Variants in GRK3 observed in about 807,000 individuals in gnomAD.
GRK3 encodes the protein G protein-coupled receptor kinase 3, also known as adrenergic, beta, receptor kinase 2.
In GRK3, 54 loss-of-function variants were observed where a neutral mutation model predicts 95.7. The ratio of observed to expected loss-of-function variants is 0.56; its 90% CI spans 0.45 to 0.71. GRK3 has a LOEUF of 0.71. GRK3 is among the 30% of genes least tolerant of loss of function. GRK3 has a pLI of 0.00. For synonymous variants in GRK3, 281 were observed against 290.8 expected (o/e 0.97, Z 0.34); for missense variants, 649 against 851.2 (o/e 0.76, Z 2.96).
At position 25,723,503 on chromosome 22, in the gene GRK3, T is replaced by C. The variant is rs1446708433; in HGVS notation, c.*1053T>C. 1 of 152,218 alleles carries C rather than the reference T, an allele frequency of 6.6e-6. No homozygotes were observed. The highest frequency in any genetic ancestry group is 2.4e-5 in the African/African-American group (1 of 41,446). The allele number at this position is 152,218 out of a possible 1,614,324, so 9.4% of individuals were successfully genotyped here. On this transcript the variant is annotated 3_prime_UTR_variant, in exon 21 of 21. Transcript: ENST00000324198. ...TCGTCATGCATCTGTCATGAATGAA[T>C]GATACTTTGCACTGGGCTGTACGAC... is the stretch of plus-strand genomic sequence containing the variant.
chr22:25,709,027 TTTTTTA>T (rs898680517), intron 15 of GRK3, among the ~76,000 whole-genome samples: 1 of 151,602 alleles, frequency 6.6e-6, no homozygotes, highest in Non-Finnish European at 1.5e-5. Context: ...CTTCAATTTA[TTTTTTA>T]TTTTTATTTT....
chr22:25,692,139 G>T (rs1286611486), intron 12 of GRK3, among the ~76,000 whole-genome samples: 2 of 151,982 alleles, frequency 1.3e-5, no homozygotes, highest in Non-Finnish European at 2.9e-5. Context: ...AATGTAAAAA[G>T]AAATATTTTT....
intron 1 of GRK3, among the ~76,000 whole-genome samples, chr22:25,586,854 A>C (rs752674429): frequency 7.6e-4 from 115 of 152,092 alleles, no homozygotes; most frequent in Admixed American, 2.6e-3. Flanking sequence ...CCTGCAGTAC[A>C]CTAAGGGGTT....
intron 9 of GRK3, among the ~76,000 whole-genome samples, chr22:25,681,966 C>A (rs1445551849): frequency 6.6e-6 from 1 of 152,064 alleles, no homozygotes; most frequent in Non-Finnish European, 1.5e-5. Flanking sequence ...TCGGTTGTGT[C>A]CTGGACTCCA....
intron 3 of GRK3, chr22:25,648,608 A>G (rs1048232690): frequency 1.2e-5 from 14 of 1,162,148 alleles, no homozygotes; most frequent in South Asian, 3.7e-5. Flanking sequence ...TTGTTCCACT[A>G]TATGCTGTTG....
intron 19 of GRK3, among the ~76,000 whole-genome samples, chr22:25,719,082 G>A (rs2085409875): frequency 6.6e-6 from 1 of 151,980 alleles, no homozygotes; most frequent in African/African-American, 2.4e-5. Flanking sequence ...ATTTGGACCT[G>A]GGCAGATTAT....
At chr22:25,707,431 T>G (rs2085308560) in intron 15 of GRK3, among the ~76,000 whole-genome samples, 1 of 152,214 alleles carries the variant, frequency 6.6e-6, no homozygotes, top group African/African-American at 2.4e-5. Flanking sequence ...GGGCACACAC[T>G]GATGCTACCC....
chr22:25,617,103 A>ATT (rs1347933984), intron 2 of GRK3, among the ~76,000 whole-genome samples: 1 of 152,214 alleles, frequency 6.6e-6, no homozygotes, highest in African/African-American at 2.4e-5. Context: ...GCACAAAAAG[A>ATT]GAAACTAGGA....
intron 15 of GRK3, among the ~76,000 whole-genome samples, chr22:25,707,524 A>C (rs1196255133): frequency 6.6e-6 from 1 of 152,168 alleles, no homozygotes; most frequent in Admixed American, 6.5e-5. Flanking sequence ...CATGGTGTAG[A>C]ATTATCAAGT....
intron 7 of GRK3, among the ~76,000 whole-genome samples, chr22:25,672,695 T>A (rs1037976511): frequency 1.3e-5 from 2 of 152,194 alleles, no homozygotes; most frequent in Non-Finnish European, 2.9e-5. Context: ...CCTTTTCTTT[T>A]TCTTATTATT....
chr22:25,711,169 CAT>C lies in GRK3; in HGVS notation c.1491+7_1491+8del, dbSNP rs747760261. The C allele has an allele frequency of 7.5e-5, 116 of 1,552,072 alleles. 1 individual carries two copies. Among genetic ancestry groups the C allele is most frequent in the Non-Finnish European group, 1.0e-4 (114 of 1,135,976 alleles). On this transcript the variant is annotated splice_region_variant and intron_variant, in intron 17 of 20. Transcript: ENST00000324198. Reference sequence around the variant, plus strand: ...AGGATACCAAAGGGATTAAGGTACACATGTGATCATTTATTTCTTTATTTTTA... The same window carrying C: ...AGGATACCAAAGGGATTAAGGTACACGTGATCATTTATTTCTTTATTTTTA...
In GRK3 at chr22:25,564,732, T is replaced by G. The variant is rs1931368165; in HGVS notation, c.-309T>G. The G allele has an allele frequency of 6.6e-6, 1 of 150,900 alleles. No homozygotes were observed. Among genetic ancestry groups the G allele is most frequent in the South Asian group, 2.1e-4 (1 of 4,802 alleles). 9.3% of individuals were successfully genotyped at this position (150,900 alleles called of 1,614,324 possible). A position where few individuals can be genotyped will look rare whatever the true frequency, so the allele number is the denominator to read the frequency against. On this transcript the variant is annotated 5_prime_UTR_variant, in exon 1 of 21. Transcript: ENST00000324198. ...GCTGGGACTGTGCACTGAGGGGCGC[T>G]GACCGTTGGACGCGCGCTCCCCGCA...
intron 9 of GRK3, among the ~76,000 whole-genome samples, chr22:25,683,335 C>T (rs2085089143): frequency 6.6e-6 from 1 of 152,112 alleles, no homozygotes; most frequent in Non-Finnish European, 1.5e-5. Flanking sequence ...TTTGAATATT[C>T]TTGTCCAGGT....
intron 6 of GRK3, among the ~76,000 whole-genome samples, chr22:25,669,460 A>G (rs935184388): frequency 6.6e-6 from 1 of 152,164 alleles, no homozygotes; most frequent in Non-Finnish European, 1.5e-5. Context: ...AGTTAAAAAC[A>G]CTTCTCCTAC....
chr22:25,677,826 C>T (rs2085043888), intron 8 of GRK3, among the ~76,000 whole-genome samples: 1 of 152,110 alleles, frequency 6.6e-6, no homozygotes, highest in Admixed American at 6.5e-5. Flanking sequence ...GCAAGAATTC[C>T]CTTTTAGCCT....
chr22:25,566,061 C>T (rs115771482), intron 1 of GRK3, among the ~76,000 whole-genome samples: 2,171 of 152,020 alleles, frequency 0.014, 49 homozygotes, highest in African/African-American at 0.048. Flanking sequence ...TAGCACTTCC[C>T]CAGAAAAAAT....
intron 9 of GRK3, among the ~76,000 whole-genome samples, chr22:25,681,259 G>A (rs568534227): frequency 6.6e-6 from 1 of 152,236 alleles, no homozygotes; most frequent in South Asian, 2.1e-4. Context: ...ACAGCTGCAT[G>A]GAAAGGGAAA....
intron 2 of GRK3, among the ~76,000 whole-genome samples, chr22:25,636,086 A>G (rs901536755): frequency 3.3e-5 from 5 of 152,158 alleles, no homozygotes; most frequent in Non-Finnish European, 7.3e-5. Context: ...ATATAGCTCC[A>G]TCATCCTACA....
intron 13 of GRK3, among the ~76,000 whole-genome samples, chr22:25,697,393 A>T (rs543749986): frequency 1.7e-4 from 26 of 152,324 alleles, no homozygotes; most frequent in Admixed American, 9.2e-4. Flanking sequence ...GGAAGATATT[A>T]ATTCCTTTGT....
Sources: gnomAD v4.1 joint callset for allele counts (sites outside exome capture counted in the v4.1 genomes callset) on GRCh38, gnomAD v4.1.1 for gene constraint, MANE v1.5 for transcripts, NCBI Gene and HGNC (gene_info 2026-07-23, HGNC 2026-07-21) for gene names.